SMOC2: variants seen among roughly 807,000 people sequenced by gnomAD.
SMOC2 encodes SPARC related modular calcium binding 2.
Under a neutral mutation model 61.4 loss-of-function variants are expected in SMOC2, and 39 were observed. The observed-to-expected ratio is 0.64, with a 90% confidence interval of 0.49 to 0.83. The LOEUF (loss-of-function observed/expected upper bound fraction) is 0.83. Among genes scored for constraint, SMOC2 ranks in the 40% least tolerant of loss-of-function variants. The pLI, the probability that SMOC2 is intolerant of heterozygous loss-of-function variation, is 0.00. For missense variants in SMOC2, 556 were observed against 592.9 expected (o/e 0.94, Z 0.65); for synonymous variants, 247 against 239.9 (o/e 1.03, Z -0.27).
chr6:168,595,496 C>T (rs1023481703), intron 7 of SMOC2, among the ~76,000 whole-genome samples: 3 of 152,114 alleles, frequency 2.0e-5, no homozygotes, highest in Non-Finnish European at 2.9e-5. Context: ...TCTGGGGTGC[C>T]CCAGGAGGGA....
chr6:168,577,939 A>G (rs1468500857), intron 7 of SMOC2, among the ~76,000 whole-genome samples: 1 of 152,188 alleles, frequency 6.6e-6, no homozygotes, highest in Non-Finnish European at 1.5e-5. Flanking sequence ...TCCTGAAGAA[A>G]ATGGAAGTAG....
At chr6:168,583,547 G>GT (rs1784971881) in intron 7 of SMOC2, among the ~76,000 whole-genome samples, 13 of 151,876 alleles carry the variant, frequency 8.6e-5, no homozygotes, top group Admixed American at 7.9e-4. Context: ...ACAGGGGTGT[G>GT]GGTCTGACCC....
At chr6:168,652,053 A>C (rs1228098772) in intron 10 of SMOC2, among the ~76,000 whole-genome samples, 1 of 152,026 alleles carries the variant, frequency 6.6e-6, no homozygotes, top group Non-Finnish European at 1.5e-5. Flanking sequence ...AAAAAAAAAA[A>C]AAAAAATTTT....
chr6:168,659,742 G>A (rs1198249966), intron 11 of SMOC2, among the ~76,000 whole-genome samples: 16 of 146,198 alleles, frequency 1.1e-4, no homozygotes, highest in African/African-American at 3.5e-4. Context: ...TGTAGGTTGG[G>A]TGAGGATGGA....
At chr6:168,516,229 A>G (rs73791047) in intron 2 of SMOC2, among the ~76,000 whole-genome samples, 10,868 of 152,224 alleles carry the variant, frequency 0.071, 527 homozygotes, top group East Asian at 0.23. Context: ...GGTAGTTTAC[A>G]CTGATGCATT....
In SMOC2 at chr6:168,559,191, C is replaced by T. The variant is rs143484111; in HGVS notation, c.637+9988C>T. Among the ~76,000 whole-genome samples the T allele has an allele frequency of 3.5e-3, 535 of 152,224 alleles. 1 individual carries two copies. Among genetic ancestry groups the T allele is most frequent in the Non-Finnish European group, 5.9e-3 (404 of 68,014 alleles). On this transcript the variant is annotated intron_variant, in intron 7 of 12. Coordinates refer to ENST00000356284, the MANE Select transcript of SMOC2 (RefSeq NM_001166412.2). ...TAATTTAGGGCCAGGTGTGGTGTCTCGTGCCTGTAATCCCAGCACTTTGGG... is the reference window on the plus strand; with the variant it reads ...TAATTTAGGGCCAGGTGTGGTGTCTTGTGCCTGTAATCCCAGCACTTTGGG...
At position 168,474,440 on chromosome 6, in the gene SMOC2, C is replaced by T. The variant is rs1782033811; in HGVS notation, c.84+32986C>T. Among the ~76,000 whole-genome samples the T allele has an allele frequency of 2.6e-5, 4 of 152,136 alleles. No individual in the cohort carries two copies. In the South Asian group the frequency reaches 8.3e-4, roughly 31 times the overall value. ...CCACTGATGGGTCCATTTCAGCCTC[C>T]TTTCCAGGCTCCAGCTCCTGCGTCT... is the stretch of plus-strand genomic sequence containing the variant. On this transcript the variant is annotated intron_variant, in intron 1 of 12. Transcript: ENST00000356284.
chr6:168,478,996 G>C (rs1782149090), intron 1 of SMOC2, among the ~76,000 whole-genome samples: 1 of 151,958 alleles, frequency 6.6e-6, no homozygotes, highest in African/African-American at 2.4e-5. Flanking sequence ...AACAGCCCTG[G>C]TTTACAGACC....
intron 4 of SMOC2, among the ~76,000 whole-genome samples, chr6:168,528,128 C>T (rs1783498693): frequency 6.6e-6 from 1 of 152,032 alleles, no homozygotes; most frequent in Admixed American, 6.5e-5. Context: ...CATATGTTTT[C>T]AAAGAAAAAT....
At chr6:168,533,586 G>A (rs1249588185) in intron 4 of SMOC2, among the ~76,000 whole-genome samples, 15 of 152,166 alleles carry the variant, frequency 9.9e-5, no homozygotes, top group Admixed American at 9.8e-4. Context: ...GGTCTCCAAT[G>A]TCTCTGAAGC....
At chr6:168,558,435 C>T (rs1583107638) in intron 7 of SMOC2, among the ~76,000 whole-genome samples, 1 of 152,152 alleles carries the variant, frequency 6.6e-6, no homozygotes, top group South Asian at 2.1e-4. Context: ...TTCTTCCCAT[C>T]GAAGTTATTG....
At chr6:168,549,588 G>A (rs1784084130) in intron 7 of SMOC2, among the ~76,000 whole-genome samples, 1 of 152,190 alleles carries the variant, frequency 6.6e-6, no homozygotes, top group Admixed American at 6.5e-5. Context: ...CACGTTGAGT[G>A]GGCTGAGGAG....
At position 168,599,002 on chromosome 6, in the gene SMOC2, A is replaced by G. The variant is rs1785406981; in HGVS notation, c.822A>G (p.Thr274=). 6.3e-7 allele frequency: 1 copy of G among 1,596,974 alleles called. No homozygotes were observed. Among genetic ancestry groups the G allele is most frequent in the Non-Finnish European group, 8.5e-7 (1 of 1,171,614 alleles). Residue 274 remains threonine, a splice_region_variant and synonymous_variant, in exon 8 of 13, where the codon ACA becomes ACG. Coordinates refer to ENST00000356284, the MANE Select transcript of SMOC2 (RefSeq NM_001166412.2). ...GGCGCCCCATTCCCGGCACATCCAC[A>G]AGGTAAATAGGGTGCACCCACCCCC... is the stretch of plus-strand genomic sequence containing the variant. ...DTGRPIPGTS[T]RYEQPKCDNT...
At chr6:168,559,475 A>AAAACT (rs1554240103) in intron 7 of SMOC2, among the ~76,000 whole-genome samples, 1 of 150,128 alleles carries the variant, frequency 6.7e-6, no homozygotes, top group Non-Finnish European at 1.5e-5. Flanking sequence ...AAATAAAAAT[A>AAAACT]AAAATAAAAT....
intron 10 of SMOC2, among the ~76,000 whole-genome samples, chr6:168,651,579 C>T (rs536105556): frequency 1.3e-5 from 2 of 152,166 alleles, no homozygotes; most frequent in East Asian, 3.9e-4. Flanking sequence ...GGCCTTTCTC[C>T]CCATAGCCCC....
chr6:168,599,008 A>G lies in SMOC2; in HGVS notation c.824+4A>G, dbSNP rs375539173. 1.9e-4 allele frequency: 301 copies of G among 1,587,164 alleles called. 1 individual carries two copies. The highest frequency in any genetic ancestry group is 2.4e-4 in the Non-Finnish European group (281 of 1,166,212). On this transcript the variant is annotated splice_donor_region_variant and intron_variant, in intron 8 of 12. Transcript: ENST00000356284. ...CCATTCCCGGCACATCCACAAGGTA[A>G]ATAGGGTGCACCCACCCCCCCCGGG...
Position 168,646,811 on chromosome 6 carries a change from G to A in SMOC2, c.908-3870G>A, listed in dbSNP as rs569779996. Among the ~76,000 whole-genome samples, 21 of 152,218 alleles carry A rather than the reference G, an allele frequency of 1.4e-4. No individual in the cohort carries two copies. The East Asian group carries it at 1.9e-3, about 14-fold the overall frequency. ...GTGGGGCAAAACCAGGATAGAACCCGGTGTTTCCACAGAAACCTCACAGAT... is the reference window on the plus strand; with the variant it reads ...GTGGGGCAAAACCAGGATAGAACCCAGTGTTTCCACAGAAACCTCACAGAT... On this transcript the variant is annotated intron_variant, in intron 9 of 12. Coordinates refer to ENST00000356284, the MANE Select transcript of SMOC2 (RefSeq NM_001166412.2).
intron 9 of SMOC2, among the ~76,000 whole-genome samples, chr6:168,618,928 T>C (rs1192791977): frequency 2.0e-5 from 3 of 152,204 alleles, no homozygotes; most frequent in Non-Finnish European, 2.9e-5. Context: ...TCTGAAATTA[T>C]GGGCTGCATT....
chr6:168,450,479 A>G (rs1050431933), intron 1 of SMOC2, among the ~76,000 whole-genome samples: 3 of 152,228 alleles, frequency 2.0e-5, no homozygotes, highest in African/African-American at 7.2e-5. Flanking sequence ...TTAGGTTGTC[A>G]GCAGATGGGT....
Sources: gnomAD v4.1 joint callset for allele counts (sites outside exome capture counted in the v4.1 genomes callset) on GRCh38, gnomAD v4.1.1 for gene constraint, MANE v1.5 for transcripts, NCBI Gene and HGNC (gene_info 2026-07-23, HGNC 2026-07-21) for gene names.